The following ANKRD13A variants were observed in gnomAD, a reference collection of about 807,000 sequenced individuals.
The protein encoded by ANKRD13A is ankyrin repeat domain-containing protein 13A.
A neutral mutation model predicts 81.3 loss-of-function variants in ANKRD13A; 48 were observed. The ratio of observed to expected loss-of-function variants is 0.59; its 90% CI spans 0.47 to 0.75. The LOEUF is 0.75. Among genes scored for constraint, ANKRD13A ranks in the 30% least tolerant of loss-of-function variants. ANKRD13A has a pLI of 0.00. For missense variants in ANKRD13A, 612 were observed against 734.0 expected, an observed-to-expected ratio of 0.83 and a Z score of 1.92; for synonymous variants, 230 against 270.1, an observed-to-expected ratio of 0.85 and a Z score of 1.45.
At chr12:110,010,249 G>A (rs1348040073) in intron 1 of ANKRD13A, among the ~76,000 whole-genome samples, 1 of 152,130 alleles carries the variant, frequency 6.6e-6, no homozygotes, top group Non-Finnish European at 1.5e-5. Context: ...CCTTTCCCAT[G>A]ATAAACATTT....
rs1482195298 is a variant in ANKRD13A at position 110,027,159 on chromosome 12, TCCCAGCCCCAC to T, written c.884-544_884-534del. ...ATGTGGTTGCCACATCCCAGCCCCA[TCCCAGCCCCAC>T]CAGTTCTATGGCCTTGTGAAATTAC... On this transcript the variant is annotated intron_variant, in intron 8 of 14. Coordinates refer to ENST00000261739, the MANE Select transcript of ANKRD13A (RefSeq NM_033121.2). 10 of 153,130 alleles carry T rather than the reference TCCCAGCCCCAC, an allele frequency of 6.5e-5. No individual in the cohort carries two copies. In the East Asian group the frequency reaches 1.3e-3, roughly 21 times the overall value. 9.5% of individuals were successfully genotyped at this position (153,130 alleles called of 1,614,324 possible). A position where few individuals can be genotyped will look rare whatever the true frequency, so the allele number is the denominator to read the frequency against.
At position 110,030,720 on chromosome 12, in the gene ANKRD13A, C is replaced by T. The variant is rs1270321171; in HGVS notation, c.1310C>T (p.Ser437Phe). 1.9e-6 allele frequency: 3 copies of T among 1,609,082 alleles called. No individual in the cohort carries two copies. Among genetic ancestry groups the T allele is most frequent in the Non-Finnish European group, 2.5e-6 (3 of 1,177,274 alleles). Residue 437 changes from serine (S) to phenylalanine (F), a missense_variant, in exon 12 of 15, where the codon TCT (serine) becomes TTT (phenylalanine). Coordinates refer to ENST00000261739, the MANE Select transcript of ANKRD13A (RefSeq NM_033121.2). Reference protein sequence around the residue: ...NVNGCSTAEESVSQNVEGTQA... With the variant: ...NVNGCSTAEEFVSQNVEGTQA... ...AATGGCTGTAGCACTGCCGAAGAAT[C>T]TGTATCTCAAAATGTGGAAGGGACC... is the stretch of plus-strand genomic sequence containing the variant.
At chr12:110,009,859 GTTGTT>G (rs1324740100) in intron 1 of ANKRD13A, among the ~76,000 whole-genome samples, 1 of 152,080 alleles carries the variant, frequency 6.6e-6, no homozygotes, top group Non-Finnish European at 1.5e-5. Flanking sequence ...TTTTTTGTTT[GTTGTT>G]TTGTTTTGTT....
At chr12:110,011,657 G>A (rs1370691432) in intron 1 of ANKRD13A, among the ~76,000 whole-genome samples, 1 of 152,198 alleles carries the variant, frequency 6.6e-6, no homozygotes, top group African/African-American at 2.4e-5. Flanking sequence ...CATGTTCAGT[G>A]TTGTCCGGTG....
intron 3 of ANKRD13A, among the ~76,000 whole-genome samples, chr12:110,015,674 G>A (rs1442897567): frequency 2.0e-5 from 3 of 152,026 alleles, no homozygotes; most frequent in Non-Finnish European, 2.9e-5. Flanking sequence ...AGCCTCCCCA[G>A]TAGCTAGGAT....
At chr12:110,003,248 G>A (rs569991507) in intron 1 of ANKRD13A, among the ~76,000 whole-genome samples, 5 of 152,312 alleles carry the variant, frequency 3.3e-5, no homozygotes, top group African/African-American at 1.2e-4. Context: ...CAGGCTCCCT[G>A]TTTAGGAAGC....
chr12:110,030,886 G>C (rs1440751162), intron 12 of ANKRD13A, 128 bp downstream of exon 12: 4 of 386,436 alleles, frequency 1.0e-5, no homozygotes, highest in South Asian at 9.5e-5. Context: ...CCTGAGGTCG[G>C]GAGTTTGAGA....
intron 13 of ANKRD13A, among the ~76,000 whole-genome samples, chr12:110,035,586 A>T (rs140991420): frequency 6.6e-6 from 1 of 152,020 alleles, no homozygotes; most frequent in East Asian, 1.9e-4. Flanking sequence ...AGTAGCTGGG[A>T]TTACAGGTGC....
chr12:110,018,375 A>G lies in ANKRD13A; in HGVS notation c.431A>G (p.Asp144Gly). Residue 144 changes from aspartate to glycine, a missense_variant, in exon 5 of 15, where the codon GAT becomes GGT. By Grantham distance (94) the Asp-to-Gly change is moderately conservative (BLOSUM62 -1). Transcript: ENST00000261739. The surrounding 1 kb of genome is among the most constrained non-coding windows in gnomAD (Gnocchi z 4.4). The stretch of plus-strand genomic sequence containing the variant: ...TTGGTTTCTAGAATATGCCCAAATG[A>G]TGTCTGTCGCATCTGGAAAAGTGGT... ...VPLVSRICPN[D>G]VCRIWKSGAK... is the part of the protein sequence containing the mutation. 1 of 1,614,018 alleles carries G rather than the reference A, an allele frequency of 6.2e-7. No homozygotes were observed. The highest frequency in any genetic ancestry group is 8.5e-7 in the Non-Finnish European group (1 of 1,179,980).
intron 1 of ANKRD13A, among the ~76,000 whole-genome samples, chr12:110,005,764 G>C (rs78960397): frequency 2.0e-5 from 3 of 152,108 alleles, no homozygotes; most frequent in African/African-American, 7.2e-5. Context: ...TTGGGTTGTC[G>C]CCACTTTTTG....
At chr12:110,029,265 T>A in intron 10 of ANKRD13A, 1 of 446,210 alleles carries the variant, frequency 2.2e-6, no homozygotes. Flanking sequence ...TCGTGGCAGG[T>A]TGTCATGCAG....
chr12:110,037,140 A>G (rs907661101), intron 14 of ANKRD13A, among the ~76,000 whole-genome samples: 3 of 152,196 alleles, frequency 2.0e-5, no homozygotes, highest in Admixed American at 2.0e-4. Context: ...TTCAATTCCC[A>G]GCCCTATCAC....
In ANKRD13A at chr12:110,017,384, C is replaced by T. The variant is rs141384693; in HGVS notation, c.400+951C>T. 6.8e-3 allele frequency among the ~76,000 whole-genome samples: 1,039 copies of T among 152,110 alleles called. 1 individual carries two copies. The highest frequency in any genetic ancestry group is 9.5e-3 in the Non-Finnish European group (644 of 68,012). ...ATGGATATATTTCTCTAAAGTATTA[C>T]GTAGGCAGTTGACTGACAGTATATT... On this transcript the variant is annotated intron_variant, in intron 4 of 14. Transcript: ENST00000261739.
chr12:110,033,922 A>ATCCAGCAAAGTCTGCTGGAG lies in ANKRD13A; in HGVS notation c.1482_1501dup (p.Arg501LysfsTer51). 8 of 1,611,706 alleles carry ATCCAGCAAAGTCTGCTGGAG rather than the reference A, an allele frequency of 5.0e-6. No homozygotes were observed. Among genetic ancestry groups the ATCCAGCAAAGTCTGCTGGAG allele is most frequent in the Non-Finnish European group, 5.9e-6 (7 of 1,178,970 alleles). ...AGATTACGAGATAATGCAGTTTGCCATCCAGCAAAGTCTGCTGGAGTCCAG... is the reference window on the plus strand; with the variant it reads ...AGATTACGAGATAATGCAGTTTGCCATCCAGCAAAGTCTGCTGGAGTCCAGCAAAGTCTGCTGGAGTCCAG... On this transcript the variant is annotated frameshift_variant, in exon 13 of 15. Coordinates refer to ENST00000261739, the MANE Select transcript of ANKRD13A (RefSeq NM_033121.2). LOFTEE classifies it high-confidence loss of function.
intron 6 of ANKRD13A, chr12:110,021,425 C>CTTTTTTTTTTTTTTTTTTTTG (rs59262099): frequency 7.7e-6 from 1 of 129,928 alleles, no homozygotes; most frequent in Non-Finnish European, 1.6e-5. Flanking sequence ...TTTTTTCTTT[C>CTTTTTTTTTTTTTTTTTTTTG]TTTTTTTTTT....
chr12:110,036,180 C>G lies in ANKRD13A; in HGVS notation c.1510-81C>G. ...TCATGGAAAGACTTTTAATTTGGTT[C>G]TTGCTGCCATCGTTTCCTTACCAGA... On this transcript the variant is annotated intron_variant, in intron 13 of 14. Coordinates refer to ENST00000261739, the MANE Select transcript of ANKRD13A (RefSeq NM_033121.2). The surrounding 1 kb of genome is among the most constrained non-coding windows in gnomAD (Gnocchi z 4.6). The G allele has an allele frequency of 1.5e-6, 2 of 1,304,380 alleles. No individual in the cohort carries two copies. Among genetic ancestry groups the G allele is most frequent in the Admixed American group, 3.4e-5 (2 of 59,378 alleles). The allele number at this position is 1,304,380 out of a possible 1,614,324, so 80.8% of individuals were successfully genotyped here. A position where few individuals can be genotyped will look rare whatever the true frequency, so the allele number is the denominator to read the frequency against.
In ANKRD13A at chr12:110,034,050, A is replaced by G. The variant is rs2137183882; in HGVS notation, c.1509+93A>G. The G allele has an allele frequency of 2.4e-6, 3 of 1,276,444 alleles. No homozygotes were observed. In the South Asian group the frequency reaches 5.3e-5, roughly 23 times the overall value. 79.1% of individuals were successfully genotyped at this position (1,276,444 alleles called of 1,614,324 possible). On this transcript the variant is annotated intron_variant, in intron 13 of 14. Coordinates refer to ENST00000261739, the MANE Select transcript of ANKRD13A (RefSeq NM_033121.2). ...TTGGCTAATCTGAAAGATTTATTCT[A>G]AATATCAAGTTTGACACATTCATGG...
At chr12:110,021,036 A>G (rs948161230) in intron 6 of ANKRD13A, 1 of 431,238 alleles carries the variant, frequency 2.3e-6, no homozygotes, top group African/African-American at 2.0e-5. Flanking sequence ...CCCACTGAGT[A>G]TAAATGGGAA....
intron 1 of ANKRD13A, among the ~76,000 whole-genome samples, chr12:110,003,908 CA>C (rs535916976): frequency 1.3e-5 from 2 of 152,106 alleles, no homozygotes; most frequent in Non-Finnish European, 2.9e-5. Flanking sequence ...CCTGTACTCC[CA>C]GCTCTTTGGG....
Sources: gnomAD v4.1 joint callset for allele counts (sites outside exome capture counted in the v4.1 genomes callset) on GRCh38, gnomAD v4.1.1 for gene constraint, Gnocchi (gnomAD v3.1) non-coding constraint, MANE v1.5 for transcripts, NCBI Gene and HGNC (gene_info 2026-07-23, HGNC 2026-07-21) for gene names.